VWF: variants seen among roughly 807,000 people sequenced by gnomAD.
The protein encoded by VWF is von Willebrand factor.
In VWF, 176 loss-of-function variants were observed where a neutral mutation model predicts 308.6. The ratio of observed to expected loss-of-function variants is 0.57; its 90% CI spans 0.50 to 0.65. The LOEUF (loss-of-function observed/expected upper bound fraction) is 0.65. VWF is among the 30% of genes least tolerant of loss of function. The pLI is 0.00. For missense variants in VWF, 3,146 were observed against 3,648.2 expected (o/e 0.86, Z 3.55); for synonymous variants, 1,385 against 1,443.4 (o/e 0.96, Z 0.92).
intron 41 of VWF, among the ~76,000 whole-genome samples, chr12:5,982,414 A>C (rs1943617136): frequency 6.6e-6 from 1 of 152,180 alleles, no homozygotes; most frequent in South Asian, 2.1e-4. Context: ...TACCTAGAAC[A>C]ATACCCTACA....
chr12:6,002,103 A>T (rs147361489), intron 34 of VWF, among the ~76,000 whole-genome samples: 1,997 of 152,216 alleles, frequency 0.013, 44 homozygotes, highest in African/African-American at 0.043. Context: ...AATTCATAAC[A>T]GTAAACATTT....
In VWF at chr12:6,057,772, G is replaced by A. The variant is rs1362943083; in HGVS notation, c.1729+77C>T. The stretch of plus-strand genomic sequence containing the variant: ...CCCCGCCCTCCGCGGTGGGAGCACT[G>A]CCTCCGGAACGCACTGCACTAATGT... On this transcript the variant is annotated intron_variant, in intron 14 of 51. Coordinates refer to ENST00000261405, the MANE Select transcript of VWF (RefSeq NM_000552.5). 6.7e-6 allele frequency: 10 copies of A among 1,483,280 alleles called. No homozygotes were observed. In the Admixed American group the frequency reaches 2.1e-4, roughly 31 times the overall value. The allele number at this position is 1,483,280 out of a possible 1,614,324, so 91.9% of individuals were successfully genotyped here.
chr12:6,006,583 T>C (rs1192404075), intron 34 of VWF, among the ~76,000 whole-genome samples: 1 of 152,020 alleles, frequency 6.6e-6, no homozygotes, highest in East Asian at 1.9e-4. Flanking sequence ...ATCGAGACCA[T>C]CCTGGCTAAC....
intron 38 of VWF, 22 bp downstream of exon 38, chr12:5,991,797 A>C (rs770539279): frequency 6.2e-7 from 1 of 1,612,968 alleles, no homozygotes. Flanking sequence ...CCCCATGGGA[A>C]GTGAAAGGCC....
chr12:6,100,810 T>C (rs1945154259), intron 5 of VWF, among the ~76,000 whole-genome samples: 1 of 152,046 alleles, frequency 6.6e-6, no homozygotes, highest in South Asian at 2.1e-4. Context: ...AGTTAATGGG[T>C]GCAGCACACC....
At position 6,067,931 on chromosome 12, in the gene VWF, C is replaced by T. The variant is rs569469580; in HGVS notation, c.1157-2658G>A. Among the ~76,000 whole-genome samples the T allele has an allele frequency of 1.4e-3, 214 of 152,080 alleles. 3 individuals carry two copies. The highest frequency in any genetic ancestry group is 4.9e-3 in the African/African-American group (205 of 41,480). Reference sequence around the variant, plus strand: ...GGCGGAGCACCCAAGGTCAGGAGTTCGAGACCAGCCTGGCCAACATGGTGA... The same window carrying T: ...GGCGGAGCACCCAAGGTCAGGAGTTTGAGACCAGCCTGGCCAACATGGTGA... On this transcript the variant is annotated intron_variant, in intron 10 of 51. Transcript: ENST00000261405.
intron 5 of VWF, among the ~76,000 whole-genome samples, chr12:6,103,101 G>A (rs1945184060): frequency 6.6e-6 from 1 of 152,116 alleles, no homozygotes; most frequent in Non-Finnish European, 1.5e-5. Flanking sequence ...GCCAAGGTGG[G>A]TGGATCACAA....
intron 20 of VWF, among the ~76,000 whole-genome samples, chr12:6,031,994 G>C (rs1944268768): frequency 6.6e-6 from 1 of 152,184 alleles, no homozygotes; most frequent in African/African-American, 2.4e-5. Flanking sequence ...TCTGAATTCT[G>C]GTTGAATCCC....
intron 31 of VWF, among the ~76,000 whole-genome samples, chr12:6,014,493 T>A (rs1429784956): frequency 6.6e-6 from 1 of 152,084 alleles, no homozygotes; most frequent in East Asian, 1.9e-4. Context: ...TGGGGAGGTG[T>A]GACTCTCGAA....
chr12:6,117,258 G>A lies in VWF; in HGVS notation c.220+3916C>T, dbSNP rs115979652. On this transcript the variant is annotated intron_variant, in intron 3 of 51. Coordinates refer to ENST00000261405, the MANE Select transcript of VWF (RefSeq NM_000552.5). ...TGACCTGGTGGGGAATCCCACCAAG[G>A]GGTTTTGAGGTAGACAGGCCTTCCA... 3.2e-3 allele frequency among the ~76,000 whole-genome samples: 483 copies of A among 152,308 alleles called. 3 individuals carry two copies. Among genetic ancestry groups the A allele is most frequent in the African/African-American group, 0.01 (432 of 41,568 alleles).
At chr12:6,073,582 G>A (rs1398332718) in intron 8 of VWF, 37 bp downstream of exon 8, 1 of 1,613,472 alleles carries the variant, frequency 6.2e-7, no homozygotes, top group Non-Finnish European at 8.5e-7. Context: ...GTGCTGGCAA[G>A]GTCTCTGATC....
rs538648389 is a variant in VWF at position 6,076,807 on chromosome 12, C to T, written c.658-1256G>A. Among the ~76,000 whole-genome samples the T allele has an allele frequency of 7.9e-5, 12 of 152,304 alleles. No individual in the cohort carries two copies. The South Asian group carries it at 8.3e-4, about 11-fold the overall frequency. On this transcript the variant is annotated intron_variant, in intron 6 of 51. Transcript: ENST00000261405. ...GAGCAAGCCTGTATAAATCTACAGT[C>T]GGGGCCAGGGGCCAGGCCTGTGGGC...
intron 18 of VWF, among the ~76,000 whole-genome samples, chr12:6,040,966 A>C (rs1370558201): frequency 6.6e-6 from 1 of 152,230 alleles, no homozygotes; most frequent in Non-Finnish European, 1.5e-5. Context: ...GGCTGCTCAA[A>C]GTGCATTCCC....
At chr12:6,090,864 G>A (rs914311388) in intron 6 of VWF, among the ~76,000 whole-genome samples, 1 of 152,170 alleles carries the variant, frequency 6.6e-6, no homozygotes, top group Non-Finnish European at 1.5e-5. Context: ...TCACGCCGAG[G>A]CCCAGGGTGA....
intron 49 of VWF, among the ~76,000 whole-genome samples, chr12:5,952,112 C>A (rs1384768565): frequency 6.6e-6 from 1 of 152,204 alleles, no homozygotes; most frequent in Non-Finnish European, 1.5e-5. Context: ...TCAGGATCTT[C>A]ATTCCCAGGG....
At position 6,090,615 on chromosome 12, in the gene VWF, C is replaced by G. The variant is rs1461463175; in HGVS notation, c.657+4845G>C. ...CAGCTAACAACAACTCCTCCTCCTC[C>G]TCCTCCTCCTCCTTCTCGTCCTCCT... On this transcript the variant is annotated intron_variant, in intron 6 of 51. Transcript: ENST00000261405. Among the ~76,000 whole-genome samples the G allele has an allele frequency of 3.0e-5, 3 of 98,492 alleles. No homozygotes were observed. The South Asian group carries it at 1.3e-3, about 44-fold the overall frequency. 64.6% of individuals were successfully genotyped at this position (98,492 alleles called of 152,430 possible).
intron 5 of VWF, among the ~76,000 whole-genome samples, chr12:6,105,976 G>C (rs888967406): frequency 3.3e-5 from 5 of 152,308 alleles, no homozygotes; most frequent in African/African-American, 1.2e-4. Context: ...CCGGGAGGTG[G>C]AGGTTGCAGT....
chr12:5,982,502 G>A (rs1209790569), intron 41 of VWF, among the ~76,000 whole-genome samples: 2 of 152,150 alleles, frequency 1.3e-5, no homozygotes, highest in African/African-American at 2.4e-5. Context: ...ACTTTTAAAA[G>A]ACCAAATCCT....
intron 34 of VWF, among the ~76,000 whole-genome samples, chr12:6,005,478 T>C (rs216810): frequency 0.57 from 87,258 of 151,920 alleles, 25,452 homozygotes; most frequent in East Asian, 0.74. Flanking sequence ...AAATAATGAA[T>C]AAATTTAGGG....
Sources: gnomAD v4.1 joint callset for allele counts (sites outside exome capture counted in the v4.1 genomes callset) on GRCh38, gnomAD v4.1.1 for gene constraint, MANE v1.5 for transcripts, NCBI Gene and HGNC (gene_info 2026-07-23, HGNC 2026-07-21) for gene names.